PHTF2: variants seen among roughly 807,000 people sequenced by gnomAD.
PHTF2 encodes the protein protein PHTF2.
A neutral mutation model predicts 101.2 loss-of-function variants in PHTF2; 60 were observed. The ratio of observed to expected loss-of-function variants is 0.59; its 90% CI spans 0.48 to 0.73. The LOEUF (loss-of-function observed/expected upper bound fraction) is 0.73. Ranked by LOEUF, PHTF2 falls within the 30% of genes least tolerant of loss-of-function variation. The probability of loss-of-function intolerance (pLI) is 0.00; values close to 1 mark genes in which losing one functional copy is unlikely to be tolerated. For missense variants in PHTF2, 747 were observed against 908.7 expected, an observed-to-expected ratio of 0.82 and a Z score of 2.29; for synonymous variants, 311 against 307.3, an observed-to-expected ratio of 1.01 and a Z score of -0.13.
At chr7:77,909,121 A>G in intron 8 of PHTF2, 163 bp downstream of exon 7, 1 of 495,546 alleles carries the variant, frequency 2.0e-6, no homozygotes, top group Non-Finnish European at 3.5e-6. Flanking sequence ...TTTAGTTTCC[A>G]TATTTGCTTC....
chr7:77,910,257 A>G, exon 9 of PHTF2: 1 of 1,610,822 alleles, frequency 6.2e-7, no homozygotes, highest in Non-Finnish European at 8.5e-7. Flanking sequence ...AATTAAGAAA[A>G]GCAGCCCATT....
At chr7:77,843,270 C>A (rs1475506389) in intron 2 of PHTF2, among the ~76,000 whole-genome samples, 1 of 152,026 alleles carries the variant, frequency 6.6e-6, no homozygotes, top group African/African-American at 2.4e-5. Flanking sequence ...GTAATATTTC[C>A]AATCTGTGTA....
chr7:77,915,841 A>G (rs972662580), intron 9 of PHTF2, among the ~76,000 whole-genome samples: 1 of 152,126 alleles, frequency 6.6e-6, no homozygotes, highest in Non-Finnish European at 1.5e-5. Flanking sequence ...CCTGTTTTCA[A>G]GAAACTACTA....
intron 3 of PHTF2, among the ~76,000 whole-genome samples, chr7:77,890,302 T>C (rs1800272785): frequency 6.6e-6 from 1 of 152,212 alleles, no homozygotes; most frequent in Non-Finnish European, 1.5e-5. Context: ...TTAAGTACCA[T>C]GCTGGAGTTG....
At chr7:77,810,565 T>G (rs1006754099) in intron 1 of PHTF2, among the ~76,000 whole-genome samples, 7 of 152,224 alleles carry the variant, frequency 4.6e-5, no homozygotes, top group African/African-American at 1.7e-4. Flanking sequence ...TGAGACGAAG[T>G]CTTGCTCTGT....
At chr7:77,841,829 GAAAAC>G (rs1190763874) in intron 2 of PHTF2, among the ~76,000 whole-genome samples, 3 of 152,086 alleles carry the variant, frequency 2.0e-5, no homozygotes, top group Non-Finnish European at 2.9e-5. Flanking sequence ...GTAAGTTAAG[GAAAAC>G]AAAACAAAAC....
At chr7:77,936,963 GGTGAAACCCC>G (rs1805195733) in intron 12 of PHTF2, among the ~76,000 whole-genome samples, 1 of 151,854 alleles carries the variant, frequency 6.6e-6, no homozygotes, top group African/African-American at 2.4e-5. Context: ...TGGCCAACAT[GGTGAAACCCC>G]GTCTCTACTA....
At chr7:77,838,288 G>A (rs190451409) in intron 1 of PHTF2, among the ~76,000 whole-genome samples, 43 of 152,256 alleles carry the variant, frequency 2.8e-4, no homozygotes, top group Middle Eastern at 3.4e-3. Flanking sequence ...AAAAACCCTC[G>A]TGAGAGAAAT....
At chr7:77,807,834 C>G (rs1415526345) in intron 1 of PHTF2, among the ~76,000 whole-genome samples, 2 of 152,000 alleles carry the variant, frequency 1.3e-5, no homozygotes, top group Non-Finnish European at 2.9e-5. Context: ...AGTTTTATTT[C>G]TTATGTTTAG....
Position 77,883,081 on chromosome 7 carries a change from A to G in PHTF2, c.148-10527A>G, listed in dbSNP as rs117745174. ...TAGTAGGTTAGAAATAAGTCCTATT[A>G]GGAGCAATTTCAGGATTCAGAGATA... On this transcript the variant is annotated intron_variant, in intron 3 of 19. Transcript: ENST00000416283. Among the ~76,000 whole-genome samples, 781 of 152,264 alleles carry G rather than the reference A, an allele frequency of 5.1e-3. 9 individuals carry two copies. Among genetic ancestry groups the G allele is most frequent in the Non-Finnish European group, 7.9e-3 (534 of 67,962 alleles).
At chr7:77,910,165 C>T in intron 8 of PHTF2, 80 bp from the exon 8 acceptor site, 11 of 1,211,466 alleles carry the variant, frequency 9.1e-6, no homozygotes, top group East Asian at 2.5e-5. Context: ...TTATGTTTTC[C>T]AAAATTTTGA....
intron 3 of PHTF2, among the ~76,000 whole-genome samples, chr7:77,878,382 A>G (rs746809672): frequency 6.6e-6 from 1 of 152,122 alleles, no homozygotes; most frequent in Non-Finnish European, 1.5e-5. Context: ...CTTGTCCATT[A>G]GAATGCAGGG....
At chr7:77,928,325 A>G (rs537823885) in intron 11 of PHTF2, among the ~76,000 whole-genome samples, 1 of 152,310 alleles carries the variant, frequency 6.6e-6, no homozygotes, top group Admixed American at 6.5e-5. Flanking sequence ...GATAAAGTAA[A>G]CTGATTAGAA....
chr7:77,901,631 A>G lies in PHTF2; in HGVS notation c.287-131A>G, dbSNP rs760657477. ...TATTTAAAGTATCTATAAATTGGAC[A>G]TTTCTCACTCATAGTATAATACAGA... is the stretch of plus-strand genomic sequence containing the variant. On this transcript the variant is annotated intron_variant, in intron 6 of 19. Transcript: ENST00000416283. The G allele has an allele frequency of 4.9e-4, 208 of 425,314 alleles. 1 individual carries two copies. The highest frequency in any genetic ancestry group is 2.2e-4 in the Admixed American group (5 of 22,670). The allele number at this position is 425,314 out of a possible 1,614,324, so 26.3% of individuals were successfully genotyped here.
intron 1 of PHTF2, among the ~76,000 whole-genome samples, chr7:77,804,145 GA>G (rs1285776414): frequency 6.6e-6 from 1 of 152,176 alleles, no homozygotes; most frequent in Non-Finnish European, 1.5e-5. Context: ...AATCCTGGGG[GA>G]TAGAGCAAGC....
intron 1 of PHTF2, among the ~76,000 whole-genome samples, chr7:77,822,442 A>G (rs1017419084): frequency 5.3e-5 from 8 of 150,038 alleles, no homozygotes; most frequent in African/African-American, 9.9e-5. Context: ...TCTCACAGGG[A>G]GTGGTTGGGT....
At chr7:77,900,430 C>T (rs536534832) in intron 5 of PHTF2, among the ~76,000 whole-genome samples, 2 of 152,278 alleles carry the variant, frequency 1.3e-5, no homozygotes, top group South Asian at 2.1e-4. Flanking sequence ...AGCTGTACAC[C>T]TAAATTTGCT....
chr7:77,805,713 A>T (rs1484651465), intron 1 of PHTF2, among the ~76,000 whole-genome samples: 1 of 152,184 alleles, frequency 6.6e-6, no homozygotes, highest in Non-Finnish European at 1.5e-5. Flanking sequence ...GATTTTTCAG[A>T]TATTTTTTCC....
intron 1 of PHTF2, among the ~76,000 whole-genome samples, chr7:77,803,093 C>T (rs1792685769): frequency 6.6e-6 from 1 of 152,186 alleles, no homozygotes; most frequent in Non-Finnish European, 1.5e-5. Context: ...CAACTGATTG[C>T]TTCCTGGAAC....
Sources: gnomAD v4.1 joint callset for allele counts (sites outside exome capture counted in the v4.1 genomes callset) on GRCh38, gnomAD v4.1.1 for gene constraint, MANE v1.5 for transcripts, NCBI Gene and HGNC (gene_info 2026-07-23, HGNC 2026-07-21) for gene names.